Variants in AKAP7 observed in about 807,000 individuals in gnomAD.
AKAP7 encodes A-kinase anchoring protein 7.
A neutral mutation model predicts 39.5 loss-of-function variants in AKAP7; 39 were observed. The observed-to-expected ratio is 0.99, with a 90% CI of 0.76 to 1.29. The LOEUF is 1.29. Among genes scored for constraint, AKAP7 ranks in the 50% most tolerant of loss-of-function variants. The pLI is 0.00. For synonymous variants in AKAP7, 140 were observed against 139.1 expected (o/e 1.01, Z -0.05); for missense variants, 414 against 407.7 (o/e 1.02, Z -0.13).
intron 2 of AKAP7, among the ~76,000 whole-genome samples, chr6:131,156,219 G>C (rs1002015410): frequency 6.6e-6 from 1 of 152,110 alleles, no homozygotes; most frequent in Admixed American, 6.5e-5. Flanking sequence ...CCTGTGTGGT[G>C]ATTTGGACAA....
At chr6:131,237,384 C>T (rs927484203) in intron 7 of AKAP7, among the ~76,000 whole-genome samples, 1 of 152,160 alleles carries the variant, frequency 6.6e-6, no homozygotes, top group Non-Finnish European at 1.5e-5. Context: ...TGTTGTGTCT[C>T]TGCCAGGCTT....
intron 7 of AKAP7, among the ~76,000 whole-genome samples, chr6:131,240,435 G>A (rs1045103361): frequency 6.6e-6 from 1 of 152,220 alleles, no homozygotes; most frequent in African/African-American, 2.4e-5. Flanking sequence ...CTTCAAAGCT[G>A]TCAGACAGGG....
intron 3 of AKAP7, among the ~76,000 whole-genome samples, chr6:131,164,123 A>G (rs1273905245): frequency 6.6e-6 from 1 of 152,188 alleles, no homozygotes; most frequent in East Asian, 1.9e-4. Context: ...TGCTATGCTC[A>G]TGAGTCAGTT....
intron 5 of AKAP7, among the ~76,000 whole-genome samples, chr6:131,196,597 C>G (rs1240970408): frequency 6.6e-6 from 1 of 151,908 alleles, no homozygotes; most frequent in Non-Finnish European, 1.5e-5. Context: ...CTGCTTGATT[C>G]TTTTTAATTA....
intron 2 of AKAP7, among the ~76,000 whole-genome samples, chr6:131,158,772 G>T (rs891247443): frequency 6.6e-6 from 1 of 152,108 alleles, no homozygotes; most frequent in African/African-American, 2.4e-5. Context: ...CTCCCAAAGT[G>T]CTGGGATTAC....
chr6:131,254,280 A>G (rs1281014384), intron 7 of AKAP7, among the ~76,000 whole-genome samples: 1 of 152,222 alleles, frequency 6.6e-6, no homozygotes, highest in Non-Finnish European at 1.5e-5. Flanking sequence ...GTATTTTCCA[A>G]TGTAGTTTTT....
chr6:131,166,365 C>CTG (rs139274552), intron 4 of AKAP7, among the ~76,000 whole-genome samples: 10,519 of 152,208 alleles, frequency 0.069, 530 homozygotes, highest in Middle Eastern at 0.15. Context: ...GAGTAGTGCT[C>CTG]TGTGTGTGTT....
At chr6:131,222,626 T>G (rs532676022) in intron 7 of AKAP7, among the ~76,000 whole-genome samples, 1 of 152,296 alleles carries the variant, frequency 6.6e-6, no homozygotes, top group East Asian at 1.9e-4. Context: ...AAAACTTTAG[T>G]GGATAATGAG....
intron 7 of AKAP7, among the ~76,000 whole-genome samples, chr6:131,247,294 TATATATATATATATATATATG>T (rs1448534796): frequency 4.8e-5 from 6 of 124,346 alleles, no homozygotes; most frequent in African/African-American, 7.0e-5. Context: ...TATATATATA[TATATATATATATATATATATG>T]TTTTTTTTTT....
chr6:131,191,899 C>T (rs1806446989), intron 5 of AKAP7, among the ~76,000 whole-genome samples: 1 of 151,356 alleles, frequency 6.6e-6, no homozygotes, highest in Non-Finnish European at 1.5e-5. Context: ...CTTAGCCTCC[C>T]AAGTAGCTGG....
At chr6:131,219,183 A>C (rs1809474882) in intron 6 of AKAP7, among the ~76,000 whole-genome samples, 1 of 151,728 alleles carries the variant, frequency 6.6e-6, no homozygotes, top group East Asian at 1.9e-4. Context: ...CCAGCTACTC[A>C]GGAGCCTGAG....
intron 6 of AKAP7, 108 bp downstream of exon 6, chr6:131,199,681 C>A: frequency 1.1e-6 from 1 of 930,518 alleles, no homozygotes; most frequent in Non-Finnish European, 1.7e-6. Flanking sequence ...ACTCTTGCTT[C>A]TGGGTTTCCA....
chr6:131,194,819 CT>C (rs370038798), intron 5 of AKAP7, among the ~76,000 whole-genome samples: 146 of 152,176 alleles, frequency 9.6e-4, no homozygotes, highest in African/African-American at 3.2e-3. Context: ...CAGTTTTTGT[CT>C]TGAAATGTAT....
the AKAP7 span, among the ~76,000 whole-genome samples, chr6:131,129,951 A>G: frequency 6.6e-6 from 1 of 152,348 alleles, no homozygotes; most frequent in South Asian, 2.1e-4. Context: ...TTGTTTTGGT[A>G]GAAATTCACT....
intron 1 of AKAP7, among the ~76,000 whole-genome samples, chr6:131,144,820 T>G (rs1801343749): frequency 6.6e-6 from 1 of 152,204 alleles, no homozygotes; most frequent in Admixed American, 6.5e-5. Flanking sequence ...CAGTGTTAAA[T>G]ATAATGATGG....
At chr6:131,201,690 T>TTTTA (rs375227880) in intron 6 of AKAP7, among the ~76,000 whole-genome samples, 23 of 152,300 alleles carry the variant, frequency 1.5e-4, no homozygotes, top group African/African-American at 5.3e-4. Flanking sequence ...TGAATGGTAA[T>TTTTA]GCCTAGGTTT....
At chr6:131,257,008 A>G (rs989523867) in intron 7 of AKAP7, among the ~76,000 whole-genome samples, 3 of 152,156 alleles carry the variant, frequency 2.0e-5, no homozygotes, top group African/African-American at 7.2e-5. Flanking sequence ...GGCTCTAGAG[A>G]CAAAATGGCT....
At chr6:131,237,536 T>G (rs1811171926) in intron 7 of AKAP7, among the ~76,000 whole-genome samples, 1 of 152,174 alleles carries the variant, frequency 6.6e-6, no homozygotes. Context: ...CATCTGGTCC[T>G]GGACTTTTTT....
the AKAP7 span, among the ~76,000 whole-genome samples, chr6:131,126,029 G>GA: frequency 1.3e-5 from 2 of 152,124 alleles, no homozygotes; most frequent in Non-Finnish European, 1.5e-5. Flanking sequence ...CATGATTTTA[G>GA]AAAAATGTTC....
Sources: allele counts gnomAD v4.1 joint callset (sites outside exome capture counted in the v4.1 genomes callset), GRCh38; gene constraint gnomAD v4.1.1; transcripts MANE v1.5; gene names NCBI Gene and HGNC (gene_info 2026-07-23, HGNC 2026-07-21).